Variants in CFAP47 observed in about 807,000 individuals in gnomAD.
CFAP47 encodes the protein cilia and flagella associated protein 47.
Under a neutral mutation model 148.1 loss-of-function variants are expected in CFAP47, and 29 were observed. The ratio of observed to expected loss-of-function variants is 0.20; its 90% CI spans 0.15 to 0.27. The LOEUF is 0.27. Ranked by LOEUF, CFAP47 falls within the 10% of genes least tolerant of loss-of-function variation. CFAP47 has a pLI of 1.00. For synonymous variants in CFAP47, 664 were observed against 577.3 expected (o/e 1.15, Z -2.15); for missense variants, 1,872 against 1,697.5 (o/e 1.10, Z -1.81).
chrX:35,927,607 GTGTGTGTGTGTA>G (rs1438278645), intron 2 of CFAP47, among the ~76,000 whole-genome samples: 3 of 110,330 alleles, frequency 2.7e-5, no homozygotes, highest in Non-Finnish European at 3.8e-5. Flanking sequence ...GTGTGTGTGT[GTGTGTGTGTGTA>G]TGTGTGTGTG....
rs370006038 is a variant in CFAP47 at position 36,135,352 on chromosome X, A to G, written c.5321-2606A>G. Among the ~76,000 whole-genome samples, 23 of 111,910 alleles carry G rather than the reference A, an allele frequency of 2.1e-4. 1 individual carries two copies. The East Asian group carries it at 6.2e-3, about 30-fold the overall frequency. On this transcript the variant is annotated intron_variant, in intron 33 of 63. Transcript: ENST00000378653. Reference sequence around the variant, plus strand: ...AGCACTACATGAGATAATTTATAGCAGATTTTCCTAATTGCCTCTAAACTG... The same window carrying G: ...AGCACTACATGAGATAATTTATAGCGGATTTTCCTAATTGCCTCTAAACTG...
chrX:36,039,108 A>G lies in CFAP47; in HGVS notation c.3936A>G (p.Ile1312Met). The G allele has an allele frequency of 9.1e-7, 1 of 1,104,833 alleles. No individual in the cohort carries two copies. The highest frequency in any genetic ancestry group is 1.2e-6 in the Non-Finnish European group (1 of 818,976). 91.1% of individuals were successfully genotyped at this position (1,104,833 alleles called of 1,213,427 possible). A position where few individuals can be genotyped will look rare whatever the true frequency, so the allele number is the denominator to read the frequency against. Residue 1312 changes from isoleucine to methionine, a missense_variant, in exon 25 of 64, where the codon ATA becomes ATG. Physicochemically the swap from Ile to Met is conservative, Grantham distance 10 (BLOSUM62 1). Coordinates refer to ENST00000378653, the MANE Select transcript of CFAP47 (RefSeq NM_001304548.2). ...AGTTATTGTTTGACCCTCCATTTAT[A>G]TTTTTCACTCCTGTTCCTTTGGATA... ...SPELLFDPPFIFFTPVPLDIT... is the reference protein window; with the variant it reads ...SPELLFDPPFMFFTPVPLDIT...
At chrX:36,089,820 A>T (rs182598222) in intron 30 of CFAP47, among the ~76,000 whole-genome samples, 25 of 111,995 alleles carry the variant, frequency 2.2e-4, no homozygotes, top group African/African-American at 7.1e-4. Context: ...TGTACTATTG[A>T]ACTTAAAATT....
chrX:35,966,147 A>T (rs1487821462), intron 8 of CFAP47, among the ~76,000 whole-genome samples: 2 of 106,399 alleles, frequency 1.9e-5, no homozygotes, highest in African/African-American at 6.7e-5. Context: ...AAGAAAAATA[A>T]TTTTTTAAAT....
At chrX:36,375,817 G>A (rs902251305) in intron 62 of CFAP47, among the ~76,000 whole-genome samples, 1 of 112,308 alleles carries the variant, frequency 8.9e-6, no homozygotes, top group Non-Finnish European at 1.9e-5. Flanking sequence ...AGTGTTCTAA[G>A]TGTGGTGACA....
chrX:36,115,466 G>T (rs1938623855), intron 33 of CFAP47, among the ~76,000 whole-genome samples: 1 of 111,360 alleles, frequency 9.0e-6, no homozygotes, highest in Non-Finnish European at 1.9e-5. Context: ...AGTCAATATT[G>T]TTTGGCAAGG....
At position 36,071,891 on chromosome X, in the gene CFAP47, C is replaced by T; in HGVS notation, c.4385C>T (p.Pro1462Leu). The T allele has an allele frequency of 8.3e-7, 1 of 1,204,641 alleles. No homozygotes were observed. The highest frequency in any genetic ancestry group is 1.1e-6 in the Non-Finnish European group (1 of 889,894). ...CCTCCCTACCAGGATGCTAAACCAC[C>T]CTCTCCTGCTTCAATTAAAAAGACA... Reference protein sequence around the residue: ...VLPPYQDAKPPSPASIKKTYT... With the variant: ...VLPPYQDAKPLSPASIKKTYT... The change falls in exon 28 of 64, where the codon CCC (proline) becomes CTC (leucine). Residue 1462 changes from proline (P) to leucine (L), a missense_variant. Transcript: ENST00000378653.
At chrX:35,922,975 A>G (rs1366635076) in intron 1 of CFAP47, among the ~76,000 whole-genome samples, 1 of 111,099 alleles carries the variant, frequency 9.0e-6, no homozygotes, top group African/African-American at 3.3e-5. Flanking sequence ...CCATTCTCTA[A>G]GACTAGGCCA....
intron 57 of CFAP47, among the ~76,000 whole-genome samples, chrX:36,343,866 T>A (rs1478350340): frequency 9.0e-6 from 1 of 110,511 alleles, no homozygotes; most frequent in East Asian, 2.8e-4. Flanking sequence ...AGTGAGAATA[T>A]GCAGTGTTTG....
intron 40 of CFAP47, among the ~76,000 whole-genome samples, chrX:36,182,337 T>G: frequency 9.0e-6 from 1 of 111,392 alleles, no homozygotes; most frequent in East Asian, 2.8e-4. Context: ...AAATTAGGGT[T>G]TTGTCGGTGA....
chrX:35,925,009 A>G (rs918031219), intron 1 of CFAP47, among the ~76,000 whole-genome samples: 1 of 111,502 alleles, frequency 9.0e-6, no homozygotes, highest in African/African-American at 3.3e-5. Flanking sequence ...AAAGGGTACA[A>G]AGTTTCAGTT....
At chrX:35,978,023 T>G (rs1176970844) in intron 15 of CFAP47, among the ~76,000 whole-genome samples, 1 of 112,279 alleles carries the variant, frequency 8.9e-6, no homozygotes, top group Non-Finnish European at 1.9e-5. Context: ...GACCGAGCTC[T>G]TTATAAATTT....
At chrX:35,944,882 T>C (rs1936063264) in intron 3 of CFAP47, among the ~76,000 whole-genome samples, 1 of 112,268 alleles carries the variant, frequency 8.9e-6, no homozygotes, top group South Asian at 3.7e-4. Flanking sequence ...CCACTAACTC[T>C]TATCAGTGGG....
intron 1 of CFAP47, among the ~76,000 whole-genome samples, chrX:35,924,346 T>C (rs1351209617): frequency 1.9e-5 from 2 of 106,140 alleles, no homozygotes; most frequent in East Asian, 2.9e-4. Flanking sequence ...CATATATGTG[T>C]GCATATGTGT....
At chrX:35,934,878 G>A (rs1372817759) in intron 2 of CFAP47, among the ~76,000 whole-genome samples, 2 of 111,493 alleles carry the variant, frequency 1.8e-5, no homozygotes, top group Non-Finnish European at 3.8e-5. Context: ...GCCTGGAAAG[G>A]TGGCCTCACA....
intron 30 of CFAP47, among the ~76,000 whole-genome samples, chrX:36,091,317 G>A (rs1308257174): frequency 1.8e-5 from 2 of 111,190 alleles, no homozygotes; most frequent in African/African-American, 3.3e-5. Flanking sequence ...TCTCAGTAAC[G>A]TTTGATATAA....
At chrX:36,260,007 C>T (rs1940798939) in intron 49 of CFAP47, among the ~76,000 whole-genome samples, 1 of 111,088 alleles carries the variant, frequency 9.0e-6, no homozygotes, top group African/African-American at 3.3e-5. Flanking sequence ...GGATAATGGC[C>T]TCCAGATGCA....
chrX:36,179,559 T>G, intron 40 of CFAP47, 137 bp downstream of exon 40: 1 of 262,727 alleles, frequency 3.8e-6, no homozygotes, highest in Non-Finnish European at 6.7e-6. Flanking sequence ...CACACTCATA[T>G]CCAAATATAT....
chrX:36,206,331 T>G (rs1940038066), intron 45 of CFAP47, among the ~76,000 whole-genome samples: 1 of 111,677 alleles, frequency 9.0e-6, no homozygotes, highest in Admixed American at 9.6e-5. Context: ...TTTTAATCCC[T>G]TTTGAGATAA....
Sources: gnomAD v4.1 joint callset for allele counts (sites outside exome capture counted in the v4.1 genomes callset) on GRCh38, gnomAD v4.1.1 for gene constraint, MANE v1.5 for transcripts, NCBI Gene and HGNC (gene_info 2026-07-23, HGNC 2026-07-21) for gene names.